The following CDH13 variants were observed in gnomAD, a reference collection of about 807,000 sequenced individuals.
CDH13 encodes the protein cadherin-13.
A neutral mutation model predicts 63.8 loss-of-function variants in CDH13; 24 were observed. The observed-to-expected ratio is 0.38, with a 90% confidence interval of 0.27 to 0.53. The LOEUF is 0.53. Among genes scored for constraint, CDH13 ranks in the 20% least tolerant of loss-of-function variants. The pLI is 0.85. For synonymous variants in CDH13, 503 were observed against 355.3 expected (o/e 1.42, Z -4.67); for missense variants, 1,049 against 903.1 (o/e 1.16, Z -2.07).
chr16:83,690,792 G>A (rs1904781698), intron 10 of CDH13, among the ~76,000 whole-genome samples: 2 of 152,100 alleles, frequency 1.3e-5, no homozygotes, highest in South Asian at 4.1e-4. Flanking sequence ...CACGATTTTG[G>A]CTCACTGCTA....
chr16:82,757,311 C>T (rs1043230981), intron 1 of CDH13, among the ~76,000 whole-genome samples: 1 of 152,168 alleles, frequency 6.6e-6, no homozygotes, highest in Non-Finnish European at 1.5e-5. Context: ...TCATTTGCAT[C>T]TGAACAATTT....
chr16:82,969,358 G>A (rs939480360), intron 2 of CDH13, among the ~76,000 whole-genome samples: 1 of 151,876 alleles, frequency 6.6e-6, no homozygotes, highest in African/African-American at 2.4e-5. Flanking sequence ...ACGTGGGGCT[G>A]AATTTTACCC....
At chr16:83,387,121 T>C (rs999525720) in intron 6 of CDH13, among the ~76,000 whole-genome samples, 2 of 152,142 alleles carry the variant, frequency 1.3e-5, no homozygotes, top group African/African-American at 4.8e-5. Context: ...AAATGAGTGT[T>C]AGGTCAACCA....
chr16:83,708,693 A>G (rs1907530957), intron 10 of CDH13, among the ~76,000 whole-genome samples: 1 of 152,208 alleles, frequency 6.6e-6, no homozygotes, highest in Non-Finnish European at 1.5e-5. Flanking sequence ...ACCTTAGATC[A>G]TCAGGATACA....
At chr16:83,444,751 C>T (rs1345261520) in intron 6 of CDH13, among the ~76,000 whole-genome samples, 2 of 11,740 alleles carry the variant, frequency 1.7e-4, no homozygotes, top group Non-Finnish European at 2.1e-4. Flanking sequence ...GCTTAAATCT[C>T]TGACTGCCGA....
chr16:82,915,491 C>G (rs963185070), intron 2 of CDH13, among the ~76,000 whole-genome samples: 1 of 152,112 alleles, frequency 6.6e-6, no homozygotes, highest in Non-Finnish European at 1.5e-5. Context: ...AAGTGATATA[C>G]AGGGATCGTT....
chr16:82,633,225 A>C (rs796813726), intron 1 of CDH13, among the ~76,000 whole-genome samples: 26 of 152,340 alleles, frequency 1.7e-4, no homozygotes, highest in Middle Eastern at 3.4e-3. Context: ...ACAGCTGAGC[A>C]TCATCATTCC....
Position 83,198,277 on chromosome 16 carries a change from TCTTTCTCTTCTGTA to T in CDH13, c.484-19065_484-19052del, listed in dbSNP as rs547537853. On this transcript the variant is annotated intron_variant, in intron 4 of 13. Coordinates refer to ENST00000567109, the MANE Select transcript of CDH13 (RefSeq NM_001257.5). ...ATTCTGAAATAGTCTCCTCATGATTTCTTTCTCTTCTGTACTCCAAATGTAACACTAAATCACAC... is the reference window on the plus strand; with the variant it reads ...ATTCTGAAATAGTCTCCTCATGATTTCTCCAAATGTAACACTAAATCACAC... 1.1e-3 allele frequency among the ~76,000 whole-genome samples: 169 copies of T among 151,994 alleles called. 2 individuals carry two copies. The highest frequency in any genetic ancestry group is 3.9e-3 in the African/African-American group (163 of 41,464).
At chr16:83,601,740 C>T (rs1223762943) in intron 7 of CDH13, among the ~76,000 whole-genome samples, 3 of 152,212 alleles carry the variant, frequency 2.0e-5, no homozygotes, top group Middle Eastern at 3.4e-3. Context: ...CAAAGGTAAC[C>T]TCATTTTCAG....
chr16:83,062,878 G>T (rs1317503043), intron 3 of CDH13, among the ~76,000 whole-genome samples: 1 of 151,968 alleles, frequency 6.6e-6, no homozygotes, highest in Admixed American at 6.6e-5. Flanking sequence ...TGGCACCTTG[G>T]TGATTCTTTG....
chr16:82,909,451 T>G (rs1328206835), intron 2 of CDH13, among the ~76,000 whole-genome samples: 2 of 152,186 alleles, frequency 1.3e-5, no homozygotes, highest in Non-Finnish European at 2.9e-5. Flanking sequence ...TATTCTTTGG[T>G]ACGGACATTG....
At chr16:82,837,718 T>C (rs577630463) in intron 1 of CDH13, among the ~76,000 whole-genome samples, 1 of 152,324 alleles carries the variant, frequency 6.6e-6, no homozygotes, top group African/African-American at 2.4e-5. Context: ...GCCCGAGTTT[T>C]TACTGGGAGC....
At chr16:82,638,719 C>T (rs1449982648) in intron 1 of CDH13, among the ~76,000 whole-genome samples, 1 of 146,272 alleles carries the variant, frequency 6.8e-6, no homozygotes, top group Non-Finnish European at 1.5e-5. Flanking sequence ...AGATTGTTCC[C>T]CTCGGGATTC....
At chr16:82,826,452 T>G (rs1320493852) in intron 1 of CDH13, 3 of 152,226 alleles carry the variant, frequency 2.0e-5, no homozygotes, top group Non-Finnish European at 2.9e-5. Context: ...ATTGATGTAA[T>G]TGAAACATGT....
At chr16:83,459,116 T>G (rs929764698) in intron 6 of CDH13, among the ~76,000 whole-genome samples, 2 of 152,236 alleles carry the variant, frequency 1.3e-5, no homozygotes, top group Admixed American at 6.5e-5. Flanking sequence ...GGTTTTTAAA[T>G]ATGGCAAAAT....
chr16:83,715,106 C>T (rs1224832513), intron 10 of CDH13, among the ~76,000 whole-genome samples: 1 of 152,158 alleles, frequency 6.6e-6, no homozygotes, highest in Non-Finnish European at 1.5e-5. Flanking sequence ...CATGCCTTTG[C>T]TCATAAATAC....
intron 3 of CDH13, among the ~76,000 whole-genome samples, chr16:83,054,021 C>G (rs976781866): frequency 1.3e-5 from 2 of 152,150 alleles, no homozygotes; most frequent in African/African-American, 4.8e-5. Flanking sequence ...TTTAAATACA[C>G]AAATACCATT....
intron 1 of CDH13, among the ~76,000 whole-genome samples, chr16:82,756,959 A>G (rs1328134924): frequency 2.0e-5 from 3 of 152,172 alleles, no homozygotes; most frequent in African/African-American, 4.8e-5. Flanking sequence ...CCTCATCTAT[A>G]TCAGTGGCTG....
chr16:83,491,906 T>G (rs1018364669), intron 7 of CDH13, among the ~76,000 whole-genome samples: 3 of 152,178 alleles, frequency 2.0e-5, no homozygotes, highest in Non-Finnish European at 4.4e-5. Flanking sequence ...AATTTCTTTC[T>G]TTCTTTCCAT....
Sources: gnomAD v4.1 joint callset for allele counts (sites outside exome capture counted in the v4.1 genomes callset) on GRCh38, gnomAD v4.1.1 for gene constraint, MANE v1.5 for transcripts, NCBI Gene and HGNC (gene_info 2026-07-23, HGNC 2026-07-21) for gene names.